The following CADPS2 variants were observed in gnomAD, a reference collection of about 807,000 sequenced individuals.
CADPS2 encodes calcium dependent secretion activator 2, also known as calcium-dependent secretion activator 2.
In CADPS2, 93 loss-of-function variants were observed where a neutral mutation model predicts 172.5. The observed-to-expected ratio is 0.54, with a 90% CI of 0.46 to 0.64. The LOEUF is 0.64. Among genes scored for constraint, CADPS2 ranks in the 30% least tolerant of loss-of-function variants. The probability of loss-of-function intolerance (pLI) is 0.00; values close to 1 mark genes in which losing one functional copy is unlikely to be tolerated. For synonymous variants in CADPS2, 546 were observed against 555.2 expected, an observed-to-expected ratio of 0.98 and a Z score of 0.23; for missense variants, 1,420 against 1,565.9, an observed-to-expected ratio of 0.91 and a Z score of 1.57.
chr7:122,751,074 G>C (rs973118062), intron 1 of CADPS2, among the ~76,000 whole-genome samples: 1 of 152,088 alleles, frequency 6.6e-6, no homozygotes, highest in Non-Finnish European at 1.5e-5. Flanking sequence ...TCATGACAAA[G>C]AAATATGAGG....
intron 7 of CADPS2, among the ~76,000 whole-genome samples, chr7:122,557,020 G>A (rs1414402102): frequency 6.6e-6 from 1 of 152,016 alleles, no homozygotes; most frequent in African/African-American, 2.4e-5. Context: ...CCCTCCACTG[G>A]AAAGACGTGG....
At chr7:122,776,760 T>C (rs1293079224) in intron 1 of CADPS2, among the ~76,000 whole-genome samples, 2 of 152,078 alleles carry the variant, frequency 1.3e-5, no homozygotes, top group African/African-American at 4.8e-5. Flanking sequence ...GCTGAGGTGG[T>C]CTCAGATGGA....
At chr7:122,405,356 A>G (rs896418880) in intron 20 of CADPS2, among the ~76,000 whole-genome samples, 6 of 152,218 alleles carry the variant, frequency 3.9e-5, no homozygotes, top group Admixed American at 1.3e-4. Context: ...GAAGGAAACA[A>G]ACTGGAACTT....
At chr7:122,645,469 A>T (rs530513693) in intron 3 of CADPS2, among the ~76,000 whole-genome samples, 19 of 97,298 alleles carry the variant, frequency 2.0e-4, no homozygotes, top group Non-Finnish European at 3.5e-4. Context: ...ATATGTGTAT[A>T]TATGTATATA....
chr7:122,477,827 AC>A (rs2056877814), intron 12 of CADPS2, among the ~76,000 whole-genome samples: 1 of 152,244 alleles, frequency 6.6e-6, no homozygotes, highest in East Asian at 1.9e-4. Flanking sequence ...AAAATCACTA[AC>A]AGTACGATTG....
chr7:122,631,694 CTTTT>C (rs61656656), intron 3 of CADPS2, among the ~76,000 whole-genome samples: 5 of 149,624 alleles, frequency 3.3e-5, no homozygotes, highest in African/African-American at 9.8e-5. Flanking sequence ...ATTGTCTTTT[CTTTT>C]TTTTTTAATT....
chr7:122,584,721 C>A (rs527244881), intron 6 of CADPS2, among the ~76,000 whole-genome samples: 1 of 152,014 alleles, frequency 6.6e-6, no homozygotes, highest in Non-Finnish European at 1.5e-5. Flanking sequence ...TTAACTACAG[C>A]ACCCCATAAA....
chr7:122,549,087 T>A (rs1587134404), intron 8 of CADPS2, among the ~76,000 whole-genome samples: 1 of 152,278 alleles, frequency 6.6e-6, no homozygotes, highest in South Asian at 2.1e-4. Context: ...AGTCAAATGA[T>A]GTGGTTAAAA....
intron 1 of CADPS2, among the ~76,000 whole-genome samples, chr7:122,777,121 A>T (rs2093908081): frequency 6.6e-6 from 1 of 152,194 alleles, no homozygotes; most frequent in Non-Finnish European, 1.5e-5. Context: ...ATTGCACTCC[A>T]GCCTAGGCAA....
At position 122,621,633 on chromosome 7, in the gene CADPS2, C is replaced by T. The variant is rs1563880632; in HGVS notation, c.952G>A (p.Ala318Thr). The T allele has an allele frequency of 1.9e-6, 3 of 1,613,628 alleles. No homozygotes were observed. The highest frequency in any genetic ancestry group is 1.7e-5 in the Admixed American group (1 of 59,996). The change falls in exon 5 of 30, where the codon GCC (alanine) becomes ACC (threonine). Residue 318 changes from alanine to threonine, a missense_variant. By Grantham distance (58) the Ala-to-Thr change is moderately conservative (BLOSUM62 0). Coordinates refer to ENST00000449022, the MANE Select transcript of CADPS2 (RefSeq NM_017954.11). ...GAAACTGGAAGACTTTCCAAATTGGCCATTAGCAAATTCACTGAAGACCGC... is the reference window on the plus strand; with the variant it reads ...GAAACTGGAAGACTTTCCAAATTGGTCATTAGCAAATTCACTGAAGACCGC... ...ELRSSVNLLMANLESLPVSKG... is the reference protein window; with the variant it reads ...ELRSSVNLLMTNLESLPVSKG...
intron 1 of CADPS2, among the ~76,000 whole-genome samples, chr7:122,828,697 C>T (rs1805645727): frequency 6.6e-6 from 1 of 152,156 alleles, no homozygotes; most frequent in Non-Finnish European, 1.5e-5. Flanking sequence ...AGAACTTTAG[C>T]CAACTTTTAA....
Position 122,321,671 on chromosome 7 carries a change from G to A in CADPS2, c.3718-1333C>T, listed in dbSNP as rs558804686. ...GCCCAGCTAATTTTTGTGTTTTTGG[G>A]GTTTCACTCTATCGGCCAGACTGAT... On this transcript the variant is annotated intron_variant, in intron 29 of 29. Coordinates refer to ENST00000449022, the MANE Select transcript of CADPS2 (RefSeq NM_017954.11). 4.0e-5 allele frequency among the ~76,000 whole-genome samples: 6 copies of A among 151,848 alleles called. No homozygotes were observed. The South Asian group carries it at 1.0e-3, about 26-fold the overall frequency.
chr7:122,555,519 CATT>C (rs1327110591), intron 7 of CADPS2, among the ~76,000 whole-genome samples: 2 of 152,090 alleles, frequency 1.3e-5, no homozygotes, highest in African/African-American at 4.8e-5. Context: ...AAGTGCACTG[CATT>C]ATATTTTAAG....
At chr7:122,445,192 C>A (rs1041061349) in intron 15 of CADPS2, among the ~76,000 whole-genome samples, 1 of 152,022 alleles carries the variant, frequency 6.6e-6, no homozygotes, top group African/African-American at 2.4e-5. Context: ...ATGGTAAATT[C>A]TTTGCATTTA....
At chr7:122,828,238 C>T (rs1805513174) in intron 1 of CADPS2, among the ~76,000 whole-genome samples, 1 of 145,754 alleles carries the variant, frequency 6.9e-6, no homozygotes, top group Non-Finnish European at 1.5e-5. Context: ...TTGATATAAC[C>T]ATTTCTACTA....
At chr7:122,701,085 A>G (rs565420062) in intron 2 of CADPS2, among the ~76,000 whole-genome samples, 1 of 152,294 alleles carries the variant, frequency 6.6e-6, no homozygotes, top group South Asian at 2.1e-4. Flanking sequence ...TTAGTATTAA[A>G]AAAGGAAACT....
chr7:122,577,294 G>C (rs2068175932), intron 7 of CADPS2, among the ~76,000 whole-genome samples: 1 of 152,060 alleles, frequency 6.6e-6, no homozygotes, highest in Non-Finnish European at 1.5e-5. Flanking sequence ...GTACCACACA[G>C]AACAGTTCCT....
At chr7:122,433,275 T>C (rs899685324) in intron 17 of CADPS2, among the ~76,000 whole-genome samples, 1 of 151,446 alleles carries the variant, frequency 6.6e-6, no homozygotes, top group African/African-American at 2.4e-5. Context: ...GCCACCATGC[T>C]CTCCCTGGAA....
At chr7:122,666,104 T>C (rs866107454) in intron 2 of CADPS2, among the ~76,000 whole-genome samples, 22 of 152,206 alleles carry the variant, frequency 1.4e-4, no homozygotes, top group African/African-American at 5.3e-4. Context: ...CCTGCATAAG[T>C]ATTTATATGC....
Sources: allele counts gnomAD v4.1 joint callset (sites outside exome capture counted in the v4.1 genomes callset), GRCh38; gene constraint gnomAD v4.1.1; transcripts MANE v1.5; gene names NCBI Gene and HGNC (gene_info 2026-07-23, HGNC 2026-07-21).